Variants in FOXO1 observed in about 807,000 individuals in gnomAD.
FOXO1 encodes forkhead box protein O1.
FOXO1 carries 6 observed loss-of-function variants against 44.1 expected under a neutral mutation model. That is an observed-to-expected ratio of 0.14 (90% confidence interval 0.07 to 0.27). The LOEUF is 0.27. Among genes scored for constraint, FOXO1 ranks in the 10% least tolerant of loss-of-function variants. FOXO1 has a pLI of 1.00. For missense variants in FOXO1, 737 were observed against 888.8 expected, an observed-to-expected ratio of 0.83 and a Z score of 2.17; for synonymous variants, 380 against 362.7, an observed-to-expected ratio of 1.05 and a Z score of -0.54.
intron 1 of FOXO1, among the ~76,000 whole-genome samples, chr13:40,649,789 T>G (rs552196395): frequency 4.6e-5 from 7 of 152,198 alleles, no homozygotes; most frequent in African/African-American, 1.7e-4. Flanking sequence ...AATTATGAGC[T>G]CCATCTGTAC....
chr13:40,618,138 G>C (rs1876488968), intron 1 of FOXO1, among the ~76,000 whole-genome samples: 1 of 152,184 alleles, frequency 6.6e-6, no homozygotes, highest in Non-Finnish European at 1.5e-5. Context: ...GAGTGCAGTG[G>C]CGCAATCTCA....
intron 1 of FOXO1, among the ~76,000 whole-genome samples, chr13:40,582,260 T>C (rs190167629): frequency 6.6e-6 from 1 of 152,158 alleles, no homozygotes; most frequent in East Asian, 1.9e-4. Flanking sequence ...AAAACTTTTA[T>C]TGTTAAAATA....
chr13:40,586,583 G>A (rs1382518901), intron 1 of FOXO1, among the ~76,000 whole-genome samples: 3 of 152,114 alleles, frequency 2.0e-5, no homozygotes, highest in East Asian at 3.8e-4. Flanking sequence ...AGGGATAAAA[G>A]GTACCAAATG....
At chr13:40,579,008 T>C (rs1874865233) in intron 1 of FOXO1, among the ~76,000 whole-genome samples, 1 of 152,238 alleles carries the variant, frequency 6.6e-6, no homozygotes. Context: ...AATCTAAGTC[T>C]GGCTCTATCT....
At chr13:40,647,991 A>C (rs1201091392) in intron 1 of FOXO1, among the ~76,000 whole-genome samples, 1 of 152,138 alleles carries the variant, frequency 6.6e-6, no homozygotes, top group Non-Finnish European at 1.5e-5. Flanking sequence ...TATCTGTATA[A>C]TCCCCATTAA....
intron 1 of FOXO1, among the ~76,000 whole-genome samples, chr13:40,625,281 A>G (rs1379997155): frequency 6.6e-6 from 1 of 152,240 alleles, no homozygotes; most frequent in African/African-American, 2.4e-5. Flanking sequence ...TATACTAATG[A>G]TTGAGTACTA....
intron 1 of FOXO1, among the ~76,000 whole-genome samples, chr13:40,601,393 A>G (rs2137879650): frequency 6.6e-6 from 1 of 152,344 alleles, no homozygotes; most frequent in South Asian, 2.1e-4. Context: ...TTATACATAC[A>G]TTAACCAGTG....
intron 1 of FOXO1, among the ~76,000 whole-genome samples, chr13:40,569,164 G>C (rs1239562331): frequency 1.3e-5 from 2 of 152,186 alleles, no homozygotes; most frequent in African/African-American, 4.8e-5. Flanking sequence ...GATTATGCTT[G>C]CATGTCAAAT....
At chr13:40,622,669 A>G (rs1876655265) in intron 1 of FOXO1, among the ~76,000 whole-genome samples, 1 of 152,212 alleles carries the variant, frequency 6.6e-6, no homozygotes, top group East Asian at 1.9e-4. Context: ...TGGGGCCAAT[A>G]ATGACTTGCT....
At chr13:40,656,854 C>T (rs891129041) in intron 1 of FOXO1, among the ~76,000 whole-genome samples, 1 of 150,122 alleles carries the variant, frequency 6.7e-6, no homozygotes, top group African/African-American at 2.4e-5. Context: ...TTTTTGAGAC[C>T]GAGTCTCTCT....
chr13:40,573,135 C>G lies in FOXO1; in HGVS notation c.631-12275G>C, dbSNP rs564444118. Among the ~76,000 whole-genome samples, 10 of 152,258 alleles carry G rather than the reference C, an allele frequency of 6.6e-5. No individual in the cohort carries two copies. In the East Asian group the frequency reaches 1.5e-3, roughly 24 times the overall value. On this transcript the variant is annotated intron_variant, in intron 1 of 2. Coordinates refer to ENST00000379561, the MANE Select transcript of FOXO1 (RefSeq NM_002015.4). ...CTTATTTGTAAGGCCAAATTTCCAC[C>G]CCAGTGGAAGCACCTGTGCTGAGAG...
At chr13:40,648,462 A>G (rs1215347897) in intron 1 of FOXO1, among the ~76,000 whole-genome samples, 2 of 152,232 alleles carry the variant, frequency 1.3e-5, no homozygotes, top group Non-Finnish European at 2.9e-5. Context: ...CAAAAACTAA[A>G]TATGATTGTT....
At chr13:40,644,107 C>A (rs970063978) in intron 1 of FOXO1, among the ~76,000 whole-genome samples, 3 of 152,176 alleles carry the variant, frequency 2.0e-5, no homozygotes, top group Non-Finnish European at 2.9e-5. Flanking sequence ...TTTTGGAATA[C>A]TGTAGTGATC....
chr13:40,617,063 G>A (rs375272684), intron 1 of FOXO1, among the ~76,000 whole-genome samples: 24 of 152,274 alleles, frequency 1.6e-4, no homozygotes, highest in Admixed American at 3.9e-4. Context: ...GTTTAAATAC[G>A]ATACCAAAGT....
intron 1 of FOXO1, among the ~76,000 whole-genome samples, chr13:40,620,875 T>C (rs1469440106): frequency 6.9e-6 from 1 of 145,630 alleles, no homozygotes; most frequent in Non-Finnish European, 1.5e-5. Context: ...CTTGGCTCAC[T>C]GCAATCACCG....
In FOXO1 at chr13:40,620,114, G is replaced by A. The variant is rs1401375510; in HGVS notation, c.630+45469C>T. ...TTAGAGCAAGATAGAGAACACAGAG[G>A]TACTGCATATACCCCATTCTCTAAT... On this transcript the variant is annotated intron_variant, in intron 1 of 2. Transcript: ENST00000379561. 4 of 1,164,446 alleles carry A rather than the reference G, an allele frequency of 3.4e-6. No homozygotes were observed. In the East Asian group the frequency reaches 9.5e-5, roughly 28 times the overall value. The allele number at this position is 1,164,446 out of a possible 1,614,324, so 72.1% of individuals were successfully genotyped here.
rs185748076 is a variant in FOXO1, at chr13:40,595,757, C to T, written c.631-34897G>A. ...ATGACCCACCCTGATCACTTCTATG[C>T]TCTTCTGAGCATATCACCTCAAACA... On this transcript the variant is annotated intron_variant, in intron 1 of 2. Transcript: ENST00000379561. Among the ~76,000 whole-genome samples the T allele has an allele frequency of 3.2e-4, 49 of 152,218 alleles. 1 individual carries two copies. The East Asian group carries it at 8.5e-3, about 26-fold the overall frequency.
At chr13:40,574,048 T>TCCAAAAG (rs1157238967) in intron 1 of FOXO1, among the ~76,000 whole-genome samples, 1 of 152,246 alleles carries the variant, frequency 6.6e-6, no homozygotes, top group East Asian at 1.9e-4. Flanking sequence ...AAAAGGGAAC[T>TCCAAAAG]GAATATCAAC....
chr13:40,588,695 C>A (rs1211595291), intron 1 of FOXO1, among the ~76,000 whole-genome samples: 1 of 152,172 alleles, frequency 6.6e-6, no homozygotes, highest in Non-Finnish European at 1.5e-5. Flanking sequence ...AACCCTCAAC[C>A]AAATCTTCCT....
Sources: gnomAD v4.1 joint callset for allele counts (sites outside exome capture counted in the v4.1 genomes callset) on GRCh38, gnomAD v4.1.1 for gene constraint, MANE v1.5 for transcripts, NCBI Gene and HGNC (gene_info 2026-07-23, HGNC 2026-07-21) for gene names.